The following FHOD3 variants were observed in gnomAD, a reference collection of about 807,000 sequenced individuals.
The protein encoded by FHOD3 is formin homology 2 domain containing 3.
Under a neutral mutation model 173.0 loss-of-function variants are expected in FHOD3, and 90 were observed. That is an observed-to-expected ratio of 0.52 (90% CI 0.44 to 0.62). The LOEUF is 0.62. Among genes scored for constraint, FHOD3 ranks in the 20% least tolerant of loss-of-function variants. The pLI is 0.00. For missense variants in FHOD3, 1,945 were observed against 2,034.7 expected (o/e 0.96, Z 0.85); for synonymous variants, 828 against 823.0 (o/e 1.01, Z -0.10).
chr18:36,545,742 G>A (rs1196083938), intron 5 of FHOD3, among the ~76,000 whole-genome samples: 2 of 152,230 alleles, frequency 1.3e-5, no homozygotes, highest in Non-Finnish European at 2.9e-5. Flanking sequence ...ACATTTGAAC[G>A]ATACTGATGG....
Position 36,769,310 on chromosome 18 carries a change from T to C in FHOD3, c.4670T>C (p.Val1557Ala). ...WTMGTDDSPNVTDDAADEIMD... is the reference protein window; with the variant it reads ...WTMGTDDSPNATDDAADEIMD... ...ATGGGAACTGATGACTCGCCCAATG[T>C]CACAGATGATGCAGCTGATGAGATC... is the stretch of plus-strand genomic sequence containing the variant. Residue 1557 changes from valine (V) to alanine (A), a missense_variant, in exon 28 of 29, where the codon GTC becomes GCC. By Grantham distance (64) the Val-to-Ala change is moderately conservative. Transcript: ENST00000590592. 1 of 1,614,196 alleles carries C rather than the reference T, an allele frequency of 6.2e-7. No homozygotes were observed. Among genetic ancestry groups the C allele is most frequent in the Non-Finnish European group, 8.5e-7 (1 of 1,180,044 alleles).
intron 5 of FHOD3, among the ~76,000 whole-genome samples, chr18:36,516,331 A>G (rs1197463769): frequency 6.6e-6 from 1 of 152,230 alleles, no homozygotes; most frequent in African/African-American, 2.4e-5. Flanking sequence ...GCACCCATGC[A>G]GGGCCACTCA....
At chr18:36,683,587 C>T (rs1434714989) in intron 15 of FHOD3, among the ~76,000 whole-genome samples, 1 of 152,188 alleles carries the variant, frequency 6.6e-6, no homozygotes, top group East Asian at 1.9e-4. Flanking sequence ...CTCAAAGGCA[C>T]CCAAACCTAG....
intron 9 of FHOD3, among the ~76,000 whole-genome samples, chr18:36,622,764 C>T (rs1243594661): frequency 6.6e-6 from 1 of 152,214 alleles, no homozygotes; most frequent in Non-Finnish European, 1.5e-5. Flanking sequence ...TGTTTTCTAG[C>T]TCCCAGTGTT....
chr18:36,566,654 G>A (rs1230044124), intron 5 of FHOD3, among the ~76,000 whole-genome samples: 1 of 152,122 alleles, frequency 6.6e-6, no homozygotes, highest in African/African-American at 2.4e-5. Context: ...AAAAGGAGTG[G>A]GCATCAAAGG....
intron 3 of FHOD3, among the ~76,000 whole-genome samples, chr18:36,486,243 A>G (rs1008743230): frequency 2.0e-5 from 3 of 152,198 alleles, no homozygotes; most frequent in Non-Finnish European, 2.9e-5. Context: ...TCCCAGTCAC[A>G]ACATATGGGG....
intron 6 of FHOD3, among the ~76,000 whole-genome samples, chr18:36,594,495 G>A (rs1286974905): frequency 6.6e-6 from 1 of 152,188 alleles, no homozygotes; most frequent in Non-Finnish European, 1.5e-5. Flanking sequence ...GTTGCCAGGT[G>A]TGAGTTCTGG....
At chr18:36,305,785 C>T (rs2092078675) in intron 1 of FHOD3, among the ~76,000 whole-genome samples, 1 of 152,170 alleles carries the variant, frequency 6.6e-6, no homozygotes, top group Non-Finnish European at 1.5e-5. Context: ...GTCCCTCTGG[C>T]TAAACCAGAG....
chr18:36,408,713 G>C (rs989319592), intron 3 of FHOD3, among the ~76,000 whole-genome samples: 1 of 152,136 alleles, frequency 6.6e-6, no homozygotes, highest in East Asian at 1.9e-4. Flanking sequence ...AGGAGCCAGG[G>C]GTAGAAGCAT....
intron 3 of FHOD3, among the ~76,000 whole-genome samples, chr18:36,395,182 T>C (rs2048493571): frequency 6.6e-6 from 1 of 151,946 alleles, no homozygotes; most frequent in African/African-American, 2.4e-5. Context: ...GTGTGTTTGC[T>C]CTTCTCATTT....
rs573917689 is a variant in FHOD3, at chr18:36,512,269, G to A, written c.406-169G>A. Among the ~76,000 whole-genome samples the A allele has an allele frequency of 2.0e-5, 3 of 152,338 alleles. No homozygotes were observed. The South Asian group carries it at 6.2e-4, about 32-fold the overall frequency. On this transcript the variant is annotated intron_variant, in intron 4 of 28. Transcript: ENST00000590592. Reference sequence around the variant, plus strand: ...TTTGGCAAAGGACAATGTTAGGACTGGTTGTAAAATTCTTTTGGCAACAGT... The same window carrying A: ...TTTGGCAAAGGACAATGTTAGGACTAGTTGTAAAATTCTTTTGGCAACAGT...
Position 36,661,888 on chromosome 18 carries a change from GAAAAC to G in FHOD3, c.1835+3711_1835+3715del, listed in dbSNP as rs530057170. ...TTTTCATGAAGTTTGGAACTTAAGA[GAAAAC>G]AAAACAAAACGAGAAAACCAGAACT... is the stretch of plus-strand genomic sequence containing the variant. On this transcript the variant is annotated intron_variant, in intron 14 of 28. Coordinates refer to ENST00000590592, the MANE Select transcript of FHOD3 (RefSeq NM_001281740.3). 1.1e-4 allele frequency among the ~76,000 whole-genome samples: 16 copies of G among 152,186 alleles called. No individual in the cohort carries two copies. The South Asian group carries it at 2.9e-3, about 28-fold the overall frequency.
chr18:36,625,543 C>T lies in FHOD3; in HGVS notation c.990C>T (p.Thr330=). 1 of 1,489,732 alleles carries T rather than the reference C, an allele frequency of 6.7e-7. No homozygotes were observed. Among genetic ancestry groups the T allele is most frequent in the Non-Finnish European group, 9.0e-7 (1 of 1,108,544 alleles). 92.3% of individuals were successfully genotyped at this position (1,489,732 alleles called of 1,614,324 possible). ...TCAGGCACGAGGATGGCGATGAGAC[C>T]ACGGAGCCACCCCCCAGTGGGTGCC... ...VALRHEDGDE[T]TEPPPSGCRD... The change falls in exon 10 of 29, where the codon ACC becomes ACT. Residue 330 remains threonine (T), a synonymous_variant. Coordinates refer to ENST00000590592, the MANE Select transcript of FHOD3 (RefSeq NM_001281740.3).
intron 17 of FHOD3, among the ~76,000 whole-genome samples, chr18:36,707,984 G>T (rs1323755667): frequency 6.6e-6 from 1 of 152,188 alleles, no homozygotes; most frequent in African/African-American, 2.4e-5. Context: ...CAGCCTTCAT[G>T]TGTGGCAGTT....
chr18:36,506,992 A>G (rs1393603907), intron 4 of FHOD3, among the ~76,000 whole-genome samples: 1 of 152,240 alleles, frequency 6.6e-6, no homozygotes, highest in Non-Finnish European at 1.5e-5. Flanking sequence ...TCAAAACACA[A>G]CATTGTAGGG....
At chr18:36,565,273 A>G (rs1438164144) in intron 5 of FHOD3, among the ~76,000 whole-genome samples, 6 of 152,216 alleles carry the variant, frequency 3.9e-5, no homozygotes, top group African/African-American at 1.4e-4. Flanking sequence ...TAATGGTCTG[A>G]TTAAAATTAA....
At chr18:36,612,993 C>G (rs76715389) in intron 9 of FHOD3, among the ~76,000 whole-genome samples, 3,829 of 152,248 alleles carry the variant, frequency 0.025, 171 homozygotes, top group African/African-American at 0.088. Flanking sequence ...GTCATTTCAG[C>G]ATAAGTTGTT....
chr18:36,549,896 A>C (rs1408725934), intron 5 of FHOD3, among the ~76,000 whole-genome samples: 2 of 151,162 alleles, frequency 1.3e-5, no homozygotes, highest in Admixed American at 1.3e-4. Flanking sequence ...ACAAAGATTT[A>C]CTCCCATTTT....
intron 3 of FHOD3, among the ~76,000 whole-genome samples, chr18:36,468,617 A>G (rs781106420): frequency 1.9e-4 from 29 of 152,208 alleles, no homozygotes; most frequent in Non-Finnish European, 3.8e-4. Flanking sequence ...GATTTTAGTG[A>G]TCCTGGCTTT....
Sources: allele counts gnomAD v4.1 joint callset (sites outside exome capture counted in the v4.1 genomes callset), GRCh38; gene constraint gnomAD v4.1.1; transcripts MANE v1.5; gene names NCBI Gene and HGNC (gene_info 2026-07-23, HGNC 2026-07-21).